Variants in MGAT4C observed in about 807,000 individuals in gnomAD.
MGAT4C encodes alpha-1,3-mannosyl-glycoprotein 4-beta-N-acetylglucosaminyltransferase C.
MGAT4C carries 19 observed loss-of-function variants against 40.1 expected under a neutral mutation model. The observed-to-expected ratio is 0.47, with a 90% CI of 0.33 to 0.70. The LOEUF (loss-of-function observed/expected upper bound fraction) is 0.70. Ranked by LOEUF, MGAT4C falls within the 30% of genes least tolerant of loss-of-function variation. The pLI is 0.02. For missense variants in MGAT4C, 491 were observed against 563.2 expected (o/e 0.87, Z 1.30); for synonymous variants, 181 against 187.1 (o/e 0.97, Z 0.27).
intron 1 of MGAT4C, among the ~76,000 whole-genome samples, chr12:86,738,124 C>G (rs771672454): frequency 2.0e-5 from 3 of 151,352 alleles, no homozygotes; most frequent in Non-Finnish European, 4.4e-5. Context: ...TCATCTACCA[C>G]AACATTTGTA....
chr12:86,323,748 T>G (rs932468405), intron 4 of MGAT4C, among the ~76,000 whole-genome samples: 1 of 151,982 alleles, frequency 6.6e-6, no homozygotes, highest in East Asian at 1.9e-4. Flanking sequence ...AGCTTCATGC[T>G]TCATGCCTTC....
At chr12:86,037,749 A>G (rs1891387687) in intron 2 of MGAT4C, among the ~76,000 whole-genome samples, 1 of 149,930 alleles carries the variant, frequency 6.7e-6, no homozygotes, top group Non-Finnish European at 1.5e-5. Context: ...TGTGGTGCTG[A>G]GAAGAATGTA....
At chr12:86,012,670 T>C (rs559855533) in intron 2 of MGAT4C, among the ~76,000 whole-genome samples, 4 of 151,968 alleles carry the variant, frequency 2.6e-5, no homozygotes, top group African/African-American at 9.7e-5. Flanking sequence ...GAGAATCGCT[T>C]GAACCCGGGA....
intron 2 of MGAT4C, among the ~76,000 whole-genome samples, chr12:86,711,045 G>A (rs912855436): frequency 3.3e-5 from 5 of 151,984 alleles, no homozygotes; most frequent in Non-Finnish European, 7.4e-5. Context: ...CGGAAGGGTG[G>A]GAGGGGATTG....
At chr12:86,387,584 G>A (rs140041841) in intron 3 of MGAT4C, among the ~76,000 whole-genome samples, 13 of 152,048 alleles carry the variant, frequency 8.5e-5, no homozygotes, top group Admixed American at 8.5e-4. Context: ...TAGTAAAAGT[G>A]TATTTAAACA....
intron 2 of MGAT4C, among the ~76,000 whole-genome samples, chr12:86,704,731 C>T (rs1950425481): frequency 6.6e-6 from 1 of 152,026 alleles, no homozygotes; most frequent in Admixed American, 6.6e-5. Context: ...AATTTTCTTG[C>T]CTCAAGTCAC....
intron 2 of MGAT4C, among the ~76,000 whole-genome samples, chr12:86,492,661 G>C (rs1958161174): frequency 6.6e-6 from 1 of 152,156 alleles, no homozygotes; most frequent in African/African-American, 2.4e-5. Context: ...ATGGATTAAA[G>C]ACTTAAACGT....
intron 2 of MGAT4C, among the ~76,000 whole-genome samples, chr12:86,015,283 A>T (rs1222032148): frequency 6.6e-6 from 1 of 151,926 alleles, no homozygotes; most frequent in Non-Finnish European, 1.5e-5. Context: ...AGGAAATGAA[A>T]AAAAGGAACT....
At chr12:86,103,408 A>T (rs767009273) in intron 1 of MGAT4C, among the ~76,000 whole-genome samples, 7 of 152,194 alleles carry the variant, frequency 4.6e-5, no homozygotes, top group Non-Finnish European at 8.8e-5. Context: ...ACACACACAG[A>T]AAAGGAACAG....
chr12:86,619,351 T>G (rs1260645251), intron 2 of MGAT4C, among the ~76,000 whole-genome samples: 2 of 152,128 alleles, frequency 1.3e-5, no homozygotes, highest in Non-Finnish European at 2.9e-5. Flanking sequence ...GGATGAGATC[T>G]TCAAGAAATC....
chr12:86,439,600 TAGC>T (rs1335679475), intron 2 of MGAT4C, among the ~76,000 whole-genome samples: 1 of 151,836 alleles, frequency 6.6e-6, no homozygotes, highest in Non-Finnish European at 1.5e-5. Flanking sequence ...AATCCAAAGC[TAGC>T]AGAAGATAAA....
At chr12:86,327,959 T>C (rs1954564760) in intron 4 of MGAT4C, among the ~76,000 whole-genome samples, 3 of 152,136 alleles carry the variant, frequency 2.0e-5, no homozygotes, top group African/African-American at 7.2e-5. Flanking sequence ...ACTTCCCAGA[T>C]AGCAAAATGT....
At chr12:86,038,344 TTTTTTCCCAACATTTAGC>T (rs1205698645) in intron 2 of MGAT4C, among the ~76,000 whole-genome samples, 2 of 149,526 alleles carry the variant, frequency 1.3e-5, no homozygotes, top group Admixed American at 1.3e-4. Context: ...CTGTCTCAGC[TTTTTTCCCAACATTTAGC>T]TTTTTCCCAA....
At chr12:86,205,488 T>C (rs1441639401) in intron 1 of MGAT4C, among the ~76,000 whole-genome samples, 1 of 151,684 alleles carries the variant, frequency 6.6e-6, no homozygotes, top group African/African-American at 2.4e-5. Flanking sequence ...TTTTCAACAT[T>C]AGTTTAGTAT....
chr12:86,329,811 G>A (rs1954617526), intron 4 of MGAT4C, among the ~76,000 whole-genome samples: 1 of 152,026 alleles, frequency 6.6e-6, no homozygotes, highest in Non-Finnish European at 1.5e-5. Flanking sequence ...TCATTTCCAT[G>A]GTGTTAGAGT....
At chr12:86,770,931 T>G (rs1445260778) in intron 1 of MGAT4C, among the ~76,000 whole-genome samples, 2 of 152,136 alleles carry the variant, frequency 1.3e-5, no homozygotes, top group Non-Finnish European at 2.9e-5. Context: ...CAAACTCATA[T>G]GTTGAGTTCA....
chr12:86,427,390 A>G (rs1956949447), intron 3 of MGAT4C, among the ~76,000 whole-genome samples: 1 of 151,920 alleles, frequency 6.6e-6, no homozygotes, highest in Non-Finnish European at 1.5e-5. Context: ...ATTATAGTAT[A>G]TATTTTCTTT....
At chr12:86,697,340 T>C (rs972153282) in intron 2 of MGAT4C, among the ~76,000 whole-genome samples, 3 of 152,126 alleles carry the variant, frequency 2.0e-5, no homozygotes, top group Non-Finnish European at 2.9e-5. Context: ...TCTTGACTAA[T>C]TGATGATATT....
chr12:86,528,939 C>A (rs1166125778), intron 2 of MGAT4C, among the ~76,000 whole-genome samples: 1 of 151,816 alleles, frequency 6.6e-6, no homozygotes, highest in Non-Finnish European at 1.5e-5. Flanking sequence ...ACTTGCACAT[C>A]CTGCACATGT....
Sources: gnomAD v4.1 joint callset for allele counts (sites outside exome capture counted in the v4.1 genomes callset) on GRCh38, gnomAD v4.1.1 for gene constraint, MANE v1.5 for transcripts, NCBI Gene and HGNC (gene_info 2026-07-23, HGNC 2026-07-21) for gene names.